Variants in RMST observed in about 807,000 individuals in gnomAD.
The protein encoded by RMST is long intergenic non-protein coding RNA 54.
chr12:97,555,779 T>A (rs902227034), intron 11 of RMST, among the ~76,000 whole-genome samples: 1 of 152,236 alleles, frequency 6.6e-6, no homozygotes, highest in African/African-American at 2.4e-5. Flanking sequence ...CATGAAGCAG[T>A]AATGCTGTGC....
At chr12:97,475,541 G>C (rs1379571060) in intron 5 of RMST, among the ~76,000 whole-genome samples, 1 of 151,288 alleles carries the variant, frequency 6.6e-6, no homozygotes, top group Non-Finnish European at 1.5e-5. Context: ...TGTAAAATAA[G>C]GATTATAATA....
chr12:97,495,663 T>C (rs1010111765), intron 9 of RMST, among the ~76,000 whole-genome samples: 7 of 152,138 alleles, frequency 4.6e-5, no homozygotes, highest in African/African-American at 1.7e-4. Flanking sequence ...TTGGGTTAAG[T>C]ATAGCTTATG....
intron 10 of RMST, among the ~76,000 whole-genome samples, chr12:97,524,066 ACT>A (rs1592737008): frequency 9.0e-6 from 1 of 110,874 alleles, no homozygotes; most frequent in East Asian, 2.9e-4. Context: ...ACAGAGTGAG[ACT>A]CTGTCTCAAA....
rs117858235 is a variant in RMST, at chr12:97,540,660, G to A, written n.1545+9801G>A. Among the ~76,000 whole-genome samples, 180 of 151,672 alleles carry A rather than the reference G, an allele frequency of 1.2e-3. 1 individual carries two copies. The East Asian group carries it at 0.027, about 23-fold the overall frequency. ...TTTTGGGCCCTAGTTTACCCATTTG[G>A]AAAGAAAAGAAAATAATACCTATTT... On this transcript the variant is annotated intron_variant and non_coding_transcript_variant, in intron 11 of 13. Coordinates refer to ENST00000640149, the Ensembl canonical transcript of RMST.
intron 11 of RMST, among the ~76,000 whole-genome samples, chr12:97,534,166 G>A (rs546065472): frequency 6.6e-6 from 1 of 151,746 alleles, no homozygotes; most frequent in African/African-American, 2.4e-5. Flanking sequence ...TCTGTACCTT[G>A]TCTGATAAAG....
rs78801217 is a variant in RMST at position 97,468,990 on chromosome 12, T to C, written n.644+3263T>C. ...TTATGGGAATCTTACTAGTGATTTATACATCATCATGAATCACACATCGCA... is the reference window on the plus strand; with the variant it reads ...TTATGGGAATCTTACTAGTGATTTACACATCATCATGAATCACACATCGCA... On this transcript the variant is annotated intron_variant and non_coding_transcript_variant, in intron 5 of 13. Transcript: ENST00000640149. Among the ~76,000 whole-genome samples, 525 of 152,030 alleles carry C rather than the reference T, an allele frequency of 3.5e-3. 4 individuals carry two copies. The highest frequency in any genetic ancestry group is 0.012 in the African/African-American group (494 of 41,512).
At chr12:97,517,375 GT>G (rs1880042433) in intron 10 of RMST, among the ~76,000 whole-genome samples, 1 of 151,758 alleles carries the variant, frequency 6.6e-6, no homozygotes, top group African/African-American at 2.4e-5. Flanking sequence ...TTATAGAAGA[GT>G]TTTACTCATT....
At chr12:97,531,301 C>T (rs1049313275) in intron 11 of RMST, among the ~76,000 whole-genome samples, 3 of 151,940 alleles carry the variant, frequency 2.0e-5, no homozygotes, top group South Asian at 2.1e-4. Context: ...GTTCTATTTT[C>T]GTTTCAAGAC....
chr12:97,500,088 C>T (rs530775155), intron 10 of RMST, among the ~76,000 whole-genome samples: 2 of 152,214 alleles, frequency 1.3e-5, no homozygotes, highest in Admixed American at 1.3e-4. Flanking sequence ...GACATTTTTC[C>T]CCATTACCTG....
At chr12:97,495,338 C>T (rs57298504) in intron 9 of RMST, among the ~76,000 whole-genome samples, 11,647 of 151,608 alleles carry the variant, frequency 0.077, 661 homozygotes, top group Middle Eastern at 0.13. Flanking sequence ...AGATAAGTGG[C>T]GATTGTGTCT....
intron 3 of RMST, chr12:97,463,086 A>G (rs1465174940): frequency 6.6e-6 from 1 of 150,742 alleles, no homozygotes; most frequent in Non-Finnish European, 1.5e-5. Context: ...AGACGCACAC[A>G]CACACAAGCA....
exon 6 of RMST, chr12:97,492,478 G>T (rs1876953553): frequency 6.3e-6 from 1 of 159,256 alleles, no homozygotes; most frequent in African/African-American, 2.4e-5. Context: ...GGATGATGGA[G>T]TGAGTGATGG....
chr12:97,520,303 T>A (rs1451411911), intron 10 of RMST, among the ~76,000 whole-genome samples: 1 of 152,180 alleles, frequency 6.6e-6, no homozygotes, highest in African/African-American at 2.4e-5. Context: ...CTCCCATGCC[T>A]CTGCAGGAGA....
intron 10 of RMST, among the ~76,000 whole-genome samples, chr12:97,504,724 C>T (rs909118845): frequency 1.3e-5 from 2 of 152,124 alleles, no homozygotes; most frequent in Non-Finnish European, 1.5e-5. Context: ...GAAGGGGTCA[C>T]TTACATTTAT....
chr12:97,498,077 G>C (rs1877653969), intron 10 of RMST, among the ~76,000 whole-genome samples: 1 of 152,140 alleles, frequency 6.6e-6, no homozygotes, highest in Non-Finnish European at 1.5e-5. Context: ...AGGGAACAAG[G>C]ACTCCTTGGG....
chr12:97,512,187 C>T (rs960695521), intron 10 of RMST, among the ~76,000 whole-genome samples: 4 of 151,858 alleles, frequency 2.6e-5, no homozygotes, highest in Admixed American at 2.0e-4. Context: ...GCGAGTGTTA[C>T]AGCTCTTAAG....
intron 10 of RMST, among the ~76,000 whole-genome samples, chr12:97,528,814 C>T (rs1007554628): frequency 1.3e-5 from 2 of 152,114 alleles, no homozygotes; most frequent in East Asian, 1.9e-4. Flanking sequence ...TCTTGAGAAA[C>T]GGCTATGTGC....
chr12:97,526,083 T>C (rs1022964695), intron 10 of RMST, among the ~76,000 whole-genome samples: 10 of 151,902 alleles, frequency 6.6e-5, no homozygotes, highest in African/African-American at 2.4e-4. Flanking sequence ...GATTCTACAT[T>C]ATGGTGAGTT....
chr12:97,464,228 G>T (rs1272461949), intron 4 of RMST, among the ~76,000 whole-genome samples: 1 of 152,150 alleles, frequency 6.6e-6, no homozygotes, highest in Non-Finnish European at 1.5e-5. Context: ...CCACAAAAGG[G>T]AGTCTATTGG....
Sources: allele counts gnomAD v4.1 joint callset (sites outside exome capture counted in the v4.1 genomes callset), GRCh38; gene constraint gnomAD v4.1.1; transcripts MANE v1.5; gene names NCBI Gene and HGNC (gene_info 2026-07-23, HGNC 2026-07-21).